The following NXPH1 variants were observed in gnomAD, a reference collection of about 807,000 sequenced individuals.
NXPH1 encodes neurexophilin 1, also known as neurexophilin-1.
NXPH1 carries 5 observed loss-of-function variants against 23.7 expected under a neutral mutation model. The ratio of observed to expected loss-of-function variants is 0.21; its 90% CI spans 0.11 to 0.44. The LOEUF is 0.44. Among genes scored for constraint, NXPH1 ranks in the 20% least tolerant of loss-of-function variants. The pLI, the probability that NXPH1 is intolerant of heterozygous loss-of-function variation, is 0.99. For synonymous variants in NXPH1, 144 were observed against 122.2 expected (o/e 1.18, Z -1.18); for missense variants, 324 against 321.6 (o/e 1.01, Z -0.06).
chr7:8,654,786 G>T (rs4725107), intron 2 of NXPH1, among the ~76,000 whole-genome samples: 1 of 152,028 alleles, frequency 6.6e-6, no homozygotes, highest in Non-Finnish European at 1.5e-5. Flanking sequence ...TCCATGGCAG[G>T]TTCATTCTAT....
intron 2 of NXPH1, among the ~76,000 whole-genome samples, chr7:8,441,749 G>T (rs1004887372): frequency 3.9e-5 from 6 of 152,148 alleles, no homozygotes; most frequent in Non-Finnish European, 7.3e-5. Context: ...CCCTCCGCGC[G>T]CCCAAGAGCG....
chr7:8,483,249 T>C (rs1343341509), intron 2 of NXPH1, among the ~76,000 whole-genome samples: 1 of 152,240 alleles, frequency 6.6e-6, no homozygotes, highest in East Asian at 1.9e-4. Flanking sequence ...TTGTTTGGGC[T>C]CTACATCCAT....
chr7:8,565,458 A>G (rs189594746), intron 2 of NXPH1, among the ~76,000 whole-genome samples: 36 of 151,168 alleles, frequency 2.4e-4, no homozygotes, highest in Admixed American at 2.2e-3. Context: ...AGCTTATGCA[A>G]TCCTTAGAAT....
At chr7:8,545,748 A>G (rs1818189005) in intron 2 of NXPH1, among the ~76,000 whole-genome samples, 1 of 151,530 alleles carries the variant, frequency 6.6e-6, no homozygotes, top group African/African-American at 2.4e-5. Flanking sequence ...CAGTGAGCTT[A>G]TTAACATGCA....
At chr7:8,684,193 T>C (rs182921875) in intron 2 of NXPH1, among the ~76,000 whole-genome samples, 1 of 152,182 alleles carries the variant, frequency 6.6e-6, no homozygotes, top group African/African-American at 2.4e-5. Context: ...GAAGAAACTT[T>C]CTACGGTCAG....
intron 2 of NXPH1, among the ~76,000 whole-genome samples, chr7:8,574,691 C>T (rs1028028225): frequency 1.3e-5 from 2 of 152,130 alleles, no homozygotes; most frequent in South Asian, 2.1e-4. Context: ...ATTGAAGGTT[C>T]TGTGTTTCAA....
chr7:8,523,901 A>G (rs1029465625), intron 2 of NXPH1, among the ~76,000 whole-genome samples: 2 of 152,096 alleles, frequency 1.3e-5, no homozygotes, highest in Non-Finnish European at 2.9e-5. Context: ...TATCCAGAAA[A>G]TCAAGCGTGA....
chr7:8,451,328 A>G (rs564940323), intron 2 of NXPH1, among the ~76,000 whole-genome samples: 4 of 152,080 alleles, frequency 2.6e-5, no homozygotes, highest in East Asian at 3.9e-4. Flanking sequence ...AATTGTCATG[A>G]TTTTGATCGC....
At chr7:8,540,458 T>A (rs746573775) in intron 2 of NXPH1, among the ~76,000 whole-genome samples, 7 of 151,708 alleles carry the variant, frequency 4.6e-5, no homozygotes, top group Non-Finnish European at 1.0e-4. Context: ...CCCCACAGTT[T>A]CCCTTACTTA....
intron 2 of NXPH1, among the ~76,000 whole-genome samples, chr7:8,681,692 T>C (rs997065069): frequency 6.6e-6 from 1 of 152,206 alleles, no homozygotes; most frequent in African/African-American, 2.4e-5. Flanking sequence ...TGAAATGAAA[T>C]CTTAATTATT....
At chr7:8,601,054 T>G (rs562580409) in intron 2 of NXPH1, among the ~76,000 whole-genome samples, 1 of 152,290 alleles carries the variant, frequency 6.6e-6, no homozygotes, top group Admixed American at 6.5e-5. Flanking sequence ...ATAATTTATA[T>G]GCAGATATTA....
intron 2 of NXPH1, among the ~76,000 whole-genome samples, chr7:8,675,483 T>C (rs1032264836): frequency 4.6e-5 from 7 of 152,152 alleles, no homozygotes; most frequent in Admixed American, 2.0e-4. Context: ...TTAAAGTTGA[T>C]GATGCGTTTA....
intron 2 of NXPH1, among the ~76,000 whole-genome samples, chr7:8,593,534 T>G (rs1274187751): frequency 6.6e-6 from 1 of 152,038 alleles, no homozygotes; most frequent in Non-Finnish European, 1.5e-5. Context: ...GGGGAATTCT[T>G]TAATTTCTTG....
intron 2 of NXPH1, among the ~76,000 whole-genome samples, chr7:8,524,842 C>T (rs1035828188): frequency 5.5e-4 from 83 of 152,292 alleles, no homozygotes; most frequent in African/African-American, 1.9e-3. Flanking sequence ...GCCTCCACAG[C>T]CACATGGAAC....
chr7:8,512,135 G>A (rs1004320075), intron 2 of NXPH1, among the ~76,000 whole-genome samples: 3 of 152,132 alleles, frequency 2.0e-5, no homozygotes, highest in African/African-American at 7.2e-5. Flanking sequence ...CAGAGGGATT[G>A]CTGTGGCTCC....
chr7:8,616,004 A>C (rs1301492400), intron 2 of NXPH1, among the ~76,000 whole-genome samples: 1 of 152,046 alleles, frequency 6.6e-6, no homozygotes, highest in African/African-American at 2.4e-5. Context: ...TAGCAGCCAG[A>C]GTGACCACAT....
At chr7:8,482,413 T>C (rs1584185301) in intron 2 of NXPH1, among the ~76,000 whole-genome samples, 1 of 152,200 alleles carries the variant, frequency 6.6e-6, no homozygotes, top group African/African-American at 2.4e-5. Flanking sequence ...CAGGGAAATC[T>C]GGAAGTACTT....
chr7:8,627,678 AT>A (rs1820023303), intron 2 of NXPH1, among the ~76,000 whole-genome samples: 1 of 152,166 alleles, frequency 6.6e-6, no homozygotes. Context: ...AGAGAGTTGC[AT>A]TTTGACTTTT....
intron 2 of NXPH1, among the ~76,000 whole-genome samples, chr7:8,657,052 C>T (rs10952117): frequency 0.71 from 107,612 of 152,126 alleles, 38,809 homozygotes; most frequent in East Asian, 1. Context: ...TATTGTACTT[C>T]TATGTACATG....
Sources: gnomAD v4.1 joint callset for allele counts (sites outside exome capture counted in the v4.1 genomes callset) on GRCh38, gnomAD v4.1.1 for gene constraint, MANE v1.5 for transcripts, NCBI Gene and HGNC (gene_info 2026-07-23, HGNC 2026-07-21) for gene names.